Variants in CLTRN observed in about 807,000 individuals in gnomAD.
CLTRN encodes collectrin, amino acid transport regulator.
In CLTRN, 12 loss-of-function variants were observed where a neutral mutation model predicts 14.5. The ratio of observed to expected loss-of-function variants is 0.83; its 90% CI spans 0.53 to 1.34. The LOEUF (loss-of-function observed/expected upper bound fraction) is 1.34, where lower values mean the gene tolerates loss of function less well. Ranked by LOEUF, CLTRN falls within the 40% of genes most tolerant of loss-of-function variation. The probability of loss-of-function intolerance (pLI) is 0.00; values close to 1 mark genes in which losing one functional copy is unlikely to be tolerated. For missense variants in CLTRN, 154 were observed against 165.1 expected (o/e 0.93, Z 0.37); for synonymous variants, 58 against 56.5 (o/e 1.03, Z -0.12).
At chrX:15,671,699 C>T (rs1023084393) in intron 1 of CLTRN, among the ~76,000 whole-genome samples, 22 of 111,760 alleles carry the variant, frequency 2.0e-4, no homozygotes, top group Middle Eastern at 4.6e-3. Flanking sequence ...ACTGGCAGCC[C>T]ACTACGTGCC....
Position 15,646,804 on chromosome X carries a change from C to T in CLTRN, c.204-1775G>A, listed in dbSNP as rs968236068. 2.9e-3 allele frequency: 944 copies of T among 331,117 alleles called. 2 individuals are homozygous for T. Among genetic ancestry groups the T allele is most frequent in the Non-Finnish European group, 5.2e-3 (866 of 168,004 alleles). The allele number at this position is 331,117 out of a possible 1,213,427, so 27.3% of individuals were successfully genotyped here. On this transcript the variant is annotated intron_variant, in intron 3 of 5. Transcript: ENST00000380342. Reference sequence around the variant, plus strand: ...CTTTGGACCGCCGCCACCCCCCCACCAGCCTGTCCGCAGCCTGGTAACCAT... The same window carrying T: ...CTTTGGACCGCCGCCACCCCCCCACTAGCCTGTCCGCAGCCTGGTAACCAT...
In CLTRN at chrX:15,644,130, G is replaced by A. The variant is rs1261070625; in HGVS notation, c.317+786C>T. 2.7e-5 allele frequency among the ~76,000 whole-genome samples: 3 copies of A among 111,811 alleles called. No individual in the cohort carries two copies. The East Asian group carries it at 8.5e-4, about 31-fold the overall frequency. ...AAGGAGGGGAGGAGTACAACTGTCGGGAAGTCGGGAAAAATTGTAAAATAC... is the reference window on the plus strand; with the variant it reads ...AAGGAGGGGAGGAGTACAACTGTCGAGAAGTCGGGAAAAATTGTAAAATAC... On this transcript the variant is annotated intron_variant, in intron 4 of 5. Transcript: ENST00000380342.
intron 3 of CLTRN, among the ~76,000 whole-genome samples, chrX:15,655,810 GC>G (rs1929344696): frequency 8.9e-6 from 1 of 112,001 alleles, no homozygotes. Flanking sequence ...AAGTTGGGGA[GC>G]ATCCCTCCAG....
rs1929238094 is a variant in CLTRN at position 15,652,393 on chromosome X, A to G, written c.203+6623T>C. ...GTTGTTAGAGCAACTCAGCGAAACA[A>G]AATTCTAATTTATTGTTCATCATAT... On this transcript the variant is annotated intron_variant, in intron 3 of 5. Transcript: ENST00000380342. Among the ~76,000 whole-genome samples the G allele has an allele frequency of 2.7e-5, 3 of 111,052 alleles. No homozygotes were observed. The Admixed American group carries it at 2.9e-4, about 11-fold the overall frequency.
chrX:15,632,042 G>A (rs1009350729), intron 5 of CLTRN, among the ~76,000 whole-genome samples: 101 of 111,460 alleles, frequency 9.1e-4, no homozygotes, highest in African/African-American at 3.2e-3. Flanking sequence ...AATGTCAGGG[G>A]GTTCAGGAAG....
intron 1 of CLTRN, among the ~76,000 whole-genome samples, chrX:15,671,664 T>C (rs1227045139): frequency 8.9e-6 from 1 of 111,920 alleles, no homozygotes; most frequent in East Asian, 2.8e-4. Context: ...AATGTGCCCT[T>C]TATTTACTAA....
At chrX:15,667,622 T>C (rs966497280), upstream of CLTRN, among the ~76,000 whole-genome samples, 4 of 112,928 alleles carry the variant, frequency 3.5e-5, no homozygotes, top group African/African-American at 1.3e-4. Flanking sequence ...CTTTTTTGTG[T>C]AAATACATGT....
intron 2 of CLTRN, among the ~76,000 whole-genome samples, chrX:15,662,708 G>C (rs1325407982): frequency 9.0e-6 from 1 of 111,199 alleles, no homozygotes; most frequent in Non-Finnish European, 1.9e-5. Flanking sequence ...CTGTCTTCCA[G>C]CTCCTCCACC....
At chrX:15,651,239 C>T (rs762426570) in intron 3 of CLTRN, among the ~76,000 whole-genome samples, 1 of 111,578 alleles carries the variant, frequency 9.0e-6, no homozygotes, top group African/African-American at 3.3e-5. Flanking sequence ...AAGAGCTAAC[C>T]TTGATTAGCC....
chrX:15,651,128 G>A (rs1357900151), intron 3 of CLTRN, among the ~76,000 whole-genome samples: 1 of 111,249 alleles, frequency 9.0e-6, no homozygotes, highest in South Asian at 3.9e-4. Flanking sequence ...TGGGGGGATG[G>A]GGGGACATGG....
At chrX:15,667,431 GA>G (rs1036540709), upstream of CLTRN, among the ~76,000 whole-genome samples, 2 of 111,570 alleles carry the variant, frequency 1.8e-5, no homozygotes, top group Non-Finnish European at 3.8e-5. Context: ...TCTTTTGAAT[GA>G]TGGTTTCTCA....
upstream of CLTRN, among the ~76,000 whole-genome samples, chrX:15,666,172 A>G (rs895950914): frequency 8.9e-6 from 1 of 112,035 alleles, no homozygotes; most frequent in African/African-American, 3.2e-5. Flanking sequence ...TCTGTACACC[A>G]AACTCCAGTG....
intron 2 of CLTRN, among the ~76,000 whole-genome samples, chrX:15,660,864 A>T (rs1929491699): frequency 1.8e-5 from 2 of 111,268 alleles, no homozygotes; most frequent in South Asian, 7.5e-4. Context: ...AAATGGAAAA[A>T]TCACTTTTCT....
upstream of CLTRN, chrX:15,675,426 G>A (rs886693393): frequency 6.1e-5 from 2 of 32,627 alleles, no homozygotes; most frequent in Admixed American, 4.4e-4. Flanking sequence ...CTCGAACGTG[G>A]GGGGCGCGGT....
intron 1 of CLTRN, among the ~76,000 whole-genome samples, chrX:15,672,559 C>T (rs1248070074): frequency 9.0e-6 from 1 of 111,225 alleles, no homozygotes; most frequent in Non-Finnish European, 1.9e-5. Flanking sequence ...AGGTTATATG[C>T]TCTCATTAAT....
intron 5 of CLTRN, 58 bp downstream of exon 5, chrX:15,639,504 T>A (rs1030578819): frequency 3.8e-6 from 4 of 1,059,054 alleles, no homozygotes; most frequent in Admixed American, 2.6e-5. Flanking sequence ...TCCTGATTTG[T>A]CCAAGTCATG....
At chrX:15,675,027 T>TAGCCACGGTGGGAAC (rs1472079368), upstream of CLTRN, 1 of 112,381 alleles carries the variant, frequency 8.9e-6, no homozygotes, top group Non-Finnish European at 1.9e-5. Context: ...TGGAAGGGGT[T>TAGCCACGGTGGGAAC]AGCCACGGTG....
chrX:15,674,670 T>C (rs1463896663), intron 1 of CLTRN, among the ~76,000 whole-genome samples: 1 of 112,742 alleles, frequency 8.9e-6, no homozygotes, highest in African/African-American at 3.2e-5. Context: ...GCCGCGGACA[T>C]CTGGTTCCAG....
Position 15,627,826 on chromosome X carries a change from C to T in CLTRN, c.*145G>A, listed in dbSNP as rs953867502. The T allele has an allele frequency of 2.3e-5, 9 of 395,599 alleles. No individual in the cohort carries two copies. Among genetic ancestry groups the T allele is most frequent in the African/African-American group, 2.1e-4 (8 of 38,250 alleles). The allele number at this position is 395,599 out of a possible 1,213,427, so 32.6% of individuals were successfully genotyped here. Reference sequence around the variant, plus strand: ...TGGTGTTGGTGGGTATAATTGATTGCTTTTCACTTTCAAGCACATTCAAAA... The same window carrying T: ...TGGTGTTGGTGGGTATAATTGATTGTTTTTCACTTTCAAGCACATTCAAAA... On this transcript the variant is annotated 3_prime_UTR_variant, in exon 6 of 6. Coordinates refer to ENST00000380342, the MANE Select transcript of CLTRN (RefSeq NM_020665.6).
Sources: allele counts gnomAD v4.1 joint callset (sites outside exome capture counted in the v4.1 genomes callset), GRCh38; gene constraint gnomAD v4.1.1; transcripts MANE v1.5; gene names NCBI Gene and HGNC (gene_info 2026-07-23, HGNC 2026-07-21).